MTUS2: variants seen among roughly 807,000 people sequenced by gnomAD.
MTUS2 encodes the protein microtubule associated scaffold protein 2.
A neutral mutation model predicts 114.1 loss-of-function variants in MTUS2; 40 were observed. The observed-to-expected ratio is 0.35, with a 90% confidence interval of 0.27 to 0.46. MTUS2 has a LOEUF of 0.46. MTUS2 is among the 20% of genes least tolerant of loss of function. The pLI is 1.00. For synonymous variants in MTUS2, 688 were observed against 672.0 expected (o/e 1.02, Z -0.37); for missense variants, 1,679 against 1,705.4 (o/e 0.98, Z 0.27).
At chr13:29,359,992 C>T (rs2138231066) in intron 8 of MTUS2, among the ~76,000 whole-genome samples, 1 of 152,230 alleles carries the variant, frequency 6.6e-6, no homozygotes, top group East Asian at 1.9e-4. Context: ...CTCCTTGTGC[C>T]CTCAATTTTT....
intron 2 of MTUS2, among the ~76,000 whole-genome samples, chr13:29,019,231 G>A (rs577858129): frequency 6.6e-6 from 1 of 152,284 alleles, no homozygotes; most frequent in East Asian, 1.9e-4. Context: ...GGACTGGTGG[G>A]AAGAGGGGTG....
chr13:29,261,625 A>G (rs919075288), intron 5 of MTUS2, among the ~76,000 whole-genome samples: 1 of 152,232 alleles, frequency 6.6e-6, no homozygotes, highest in African/African-American at 2.4e-5. Flanking sequence ...AAGCTACTAT[A>G]TAAGCCCTTG....
intron 2 of MTUS2, among the ~76,000 whole-genome samples, chr13:28,987,725 A>G (rs890753118): frequency 1.3e-5 from 2 of 152,152 alleles, no homozygotes; most frequent in African/African-American, 4.8e-5. Flanking sequence ...TTTATGTGAA[A>G]TGTGCCAAAT....
At chr13:28,886,216 G>C (rs1878584436) in intron 2 of MTUS2, among the ~76,000 whole-genome samples, 1 of 152,178 alleles carries the variant, frequency 6.6e-6, no homozygotes, top group African/African-American at 2.4e-5. Flanking sequence ...TGCGAGATGG[G>C]AAGTGGCTAG....
chr13:29,279,165 G>A (rs531343322), intron 5 of MTUS2, among the ~76,000 whole-genome samples: 3 of 152,018 alleles, frequency 2.0e-5, no homozygotes, highest in East Asian at 1.9e-4. Flanking sequence ...CACTATCCCC[G>A]CTTATGAATG....
chr13:28,822,309 C>T (rs1873958240), intron 1 of MTUS2, among the ~76,000 whole-genome samples: 1 of 152,118 alleles, frequency 6.6e-6, no homozygotes, highest in Non-Finnish European at 1.5e-5. Context: ...TGGGCTATTA[C>T]ATAATTGACA....
At chr13:29,209,116 T>A (rs1895314553) in intron 5 of MTUS2, among the ~76,000 whole-genome samples, 1 of 152,142 alleles carries the variant, frequency 6.6e-6, no homozygotes, top group Admixed American at 6.5e-5. Flanking sequence ...CAGTGTTAGG[T>A]GTATGTATAT....
At chr13:29,046,716 A>AC (rs67431218) in intron 4 of MTUS2, among the ~76,000 whole-genome samples, 144,704 of 151,692 alleles carry the variant, frequency 0.95, 69,131 homozygotes, top group Non-Finnish European at 0.98. Context: ...GATTCATAGT[A>AC]CCCCTCCCCC....
rs59082438 is a variant in MTUS2, at chr13:29,296,197, TTTTGTTTGTTTG to T, written c.2806+14354_2806+14365del. Among the ~76,000 whole-genome samples the T allele has an allele frequency of 1.2e-4, 18 of 148,968 alleles. No individual in the cohort carries two copies. The East Asian group carries it at 1.2e-3, about 10-fold the overall frequency. On this transcript the variant is annotated intron_variant, in intron 6 of 15. Coordinates refer to ENST00000612955, the MANE Select transcript of MTUS2 (RefSeq NM_001033602.4). ...TCATATGGTAGTTCTATTTTTAGGTTTTTGTTTGTTTGTTTGTTTGTTTGTTTGTTTGTGAGA... is the reference window on the plus strand; with the variant it reads ...TCATATGGTAGTTCTATTTTTAGGTTTTTGTTTGTTTGTTTGTTTGTGAGA...
At chr13:29,198,284 A>G (rs1306656205) in intron 5 of MTUS2, among the ~76,000 whole-genome samples, 2 of 152,232 alleles carry the variant, frequency 1.3e-5, no homozygotes, top group East Asian at 3.8e-4. Context: ...AGTTTTCTGC[A>G]TATGGCTACC....
intron 7 of MTUS2, among the ~76,000 whole-genome samples, chr13:29,351,778 A>ATT (rs10706342): frequency 7.1e-6 from 1 of 141,530 alleles, no homozygotes; most frequent in Admixed American, 6.9e-5. Context: ...AATTTTGTTT[A>ATT]TTTTTTTTTT....
At chr13:29,416,399 C>T (rs1875669669) in intron 8 of MTUS2, among the ~76,000 whole-genome samples, 1 of 151,412 alleles carries the variant, frequency 6.6e-6, no homozygotes, top group South Asian at 2.1e-4. Flanking sequence ...TTCAATTTGA[C>T]TTTTTGTCTT....
intron 5 of MTUS2, among the ~76,000 whole-genome samples, chr13:29,175,478 C>T (rs1211714077): frequency 2.6e-5 from 4 of 152,174 alleles, no homozygotes; most frequent in East Asian, 1.9e-4. Context: ...TCCACTTATA[C>T]GTGGGCTAAA....
At chr13:28,901,614 G>C (rs1317291264) in intron 2 of MTUS2, among the ~76,000 whole-genome samples, 3 of 152,164 alleles carry the variant, frequency 2.0e-5, no homozygotes, top group Non-Finnish European at 4.4e-5. Context: ...GTGTTAGGAA[G>C]GCTCTCTGTC....
chr13:28,972,044 C>A (rs931696246), intron 2 of MTUS2, among the ~76,000 whole-genome samples: 1 of 152,214 alleles, frequency 6.6e-6, no homozygotes, highest in Non-Finnish European at 1.5e-5. Context: ...TTTCAAATTT[C>A]ACAAGATATA....
At chr13:29,122,015 G>A (rs1891331884) in intron 5 of MTUS2, among the ~76,000 whole-genome samples, 1 of 152,164 alleles carries the variant, frequency 6.6e-6, no homozygotes, top group Non-Finnish European at 1.5e-5. Context: ...ATAAAAACAT[G>A]TAATTGAGGT....
intron 2 of MTUS2, among the ~76,000 whole-genome samples, chr13:28,958,035 T>G (rs1414065388): frequency 1.3e-5 from 2 of 152,234 alleles, no homozygotes; most frequent in Non-Finnish European, 2.9e-5. Flanking sequence ...ACAGCCATTT[T>G]TTTCTGAAAT....
chr13:29,074,557 G>A (rs568354336), intron 4 of MTUS2, among the ~76,000 whole-genome samples: 80 of 152,288 alleles, frequency 5.3e-4, no homozygotes, highest in Non-Finnish European at 1.0e-3. Flanking sequence ...CAGAGGATAT[G>A]TCTTCACTGT....
At chr13:28,984,834 A>G (rs1884508442) in intron 2 of MTUS2, among the ~76,000 whole-genome samples, 1 of 152,266 alleles carries the variant, frequency 6.6e-6, no homozygotes, top group African/African-American at 2.4e-5. Context: ...AAACATGGGC[A>G]TTCACACTAA....
Sources: gnomAD v4.1 joint callset for allele counts (sites outside exome capture counted in the v4.1 genomes callset) on GRCh38, gnomAD v4.1.1 for gene constraint, MANE v1.5 for transcripts, NCBI Gene and HGNC (gene_info 2026-07-23, HGNC 2026-07-21) for gene names.